Variants in SLC10A7 observed in about 807,000 individuals in gnomAD.
SLC10A7 encodes the protein sodium/bile acid cotransporter 7.
In SLC10A7, 29 loss-of-function variants were observed where a neutral mutation model predicts 43.2. That is an observed-to-expected ratio of 0.67 (90% CI 0.50 to 0.92). The LOEUF (loss-of-function observed/expected upper bound fraction) is 0.92. Ranked by LOEUF, SLC10A7 falls within the 40% of genes least tolerant of loss-of-function variation. The pLI is 0.00. For missense variants in SLC10A7, 295 were observed against 403.2 expected (o/e 0.73, Z 2.30); for synonymous variants, 152 against 144.8 (o/e 1.05, Z -0.35).
At chr4:146,394,142 T>C (rs1738643143) in intron 5 of SLC10A7, among the ~76,000 whole-genome samples, 1 of 152,146 alleles carries the variant, frequency 6.6e-6, no homozygotes, top group African/African-American at 2.4e-5. Context: ...GTAAGGCCAA[T>C]ATCACCGACT....
intron 5 of SLC10A7, among the ~76,000 whole-genome samples, chr4:146,405,488 G>A (rs114140378): frequency 6.6e-6 from 1 of 152,236 alleles, no homozygotes; most frequent in Non-Finnish European, 1.5e-5. Flanking sequence ...AATACAGTTA[G>A]AATATTACAG....
chr4:146,418,007 A>C (rs1317774896), intron 5 of SLC10A7, among the ~76,000 whole-genome samples: 1 of 137,560 alleles, frequency 7.3e-6, no homozygotes, highest in Non-Finnish European at 1.5e-5. Context: ...TGAACAGATG[A>C]TGATGATGAT....
chr4:146,340,265 T>C (rs1249291253), intron 5 of SLC10A7, among the ~76,000 whole-genome samples: 1 of 151,812 alleles, frequency 6.6e-6, no homozygotes, highest in East Asian at 1.9e-4. Context: ...AAGGCAATAA[T>C]AGCAAAAGGA....
At chr4:146,295,138 CAAGAATA>C (rs962553464) in intron 7 of SLC10A7, among the ~76,000 whole-genome samples, 3 of 151,976 alleles carry the variant, frequency 2.0e-5, no homozygotes, top group African/African-American at 7.2e-5. Context: ...TACAGATGCT[CAAGAATA>C]AAATAAACTA....
intron 4 of SLC10A7, among the ~76,000 whole-genome samples, chr4:146,481,175 G>A (rs1055075291): frequency 2.0e-5 from 3 of 152,014 alleles, no homozygotes; most frequent in African/African-American, 7.2e-5. Context: ...TGCTTTCTGG[G>A]GCTAAGCAGA....
intron 5 of SLC10A7, among the ~76,000 whole-genome samples, chr4:146,357,210 C>G (rs1560831297): frequency 6.6e-6 from 1 of 152,148 alleles, no homozygotes; most frequent in Non-Finnish European, 1.5e-5. Flanking sequence ...TAATTCATTT[C>G]TATTTTATTT....
intron 7 of SLC10A7, among the ~76,000 whole-genome samples, chr4:146,298,153 T>G (rs1400880934): frequency 6.6e-6 from 1 of 152,202 alleles, no homozygotes; most frequent in East Asian, 1.9e-4. Context: ...ACTTTCCGTG[T>G]GCCTCATCTG....
rs1732805023 is a variant in SLC10A7, at chr4:146,322,671, A to G, written c.471+3290T>C. Among the ~76,000 whole-genome samples the G allele has an allele frequency of 2.0e-5, 3 of 152,062 alleles. No homozygotes were observed. In the South Asian group the frequency reaches 6.2e-4, roughly 31 times the overall value. On this transcript the variant is annotated intron_variant, in intron 6 of 11. Coordinates refer to ENST00000335472, the MANE Select transcript of SLC10A7 (RefSeq NM_001029998.6). Reference sequence around the variant, plus strand: ...AGTCTTTGCTATTGTGAATAGTACCACAATAAACATACGTGTGCATGTGTC... The same window carrying G: ...AGTCTTTGCTATTGTGAATAGTACCGCAATAAACATACGTGTGCATGTGTC...
chr4:146,291,031 GC>G (rs1730411455), intron 9 of SLC10A7, among the ~76,000 whole-genome samples: 1 of 152,164 alleles, frequency 6.6e-6, no homozygotes, highest in Non-Finnish European at 1.5e-5. Flanking sequence ...TCACACTTCT[GC>G]CACCCATGCC....
intron 5 of SLC10A7, among the ~76,000 whole-genome samples, chr4:146,364,084 C>A (rs1003056654): frequency 1.3e-5 from 2 of 151,462 alleles, no homozygotes; most frequent in African/African-American, 2.4e-5. Flanking sequence ...AGAAGATAAA[C>A]AAAATTAACA....
intron 4 of SLC10A7, among the ~76,000 whole-genome samples, chr4:146,445,655 TC>T (rs1254200317): frequency 2.0e-5 from 3 of 152,044 alleles, no homozygotes; most frequent in Non-Finnish European, 4.4e-5. Flanking sequence ...TTGTCAGGCG[TC>T]CAGGAAAAAT....
At chr4:146,401,689 C>T (rs911826107) in intron 5 of SLC10A7, among the ~76,000 whole-genome samples, 8 of 152,120 alleles carry the variant, frequency 5.3e-5, no homozygotes, top group Admixed American at 4.6e-4. Context: ...CACAGAGCAG[C>T]ACAGACTGTG....
intron 5 of SLC10A7, among the ~76,000 whole-genome samples, chr4:146,437,011 T>C (rs1370267769): frequency 6.6e-6 from 1 of 152,148 alleles, no homozygotes; most frequent in Non-Finnish European, 1.5e-5. Flanking sequence ...AGCACTGCAT[T>C]GAAGACAGTC....
intron 9 of SLC10A7, among the ~76,000 whole-genome samples, chr4:146,290,216 T>C (rs62327820): frequency 0.038 from 5,512 of 146,780 alleles, 135 homozygotes; most frequent in Non-Finnish European, 0.059. Context: ...CCCAGCTACT[T>C]GGGAGGCTGA....
intron 1 of SLC10A7, 111 bp downstream of exon 1, chr4:146,521,507 C>A: frequency 2.4e-6 from 2 of 816,368 alleles, no homozygotes; most frequent in Non-Finnish European, 2.0e-6. Context: ...CTGGTCAGTG[C>A]CCCCTGAAAT....
intron 2 of SLC10A7, among the ~76,000 whole-genome samples, chr4:146,511,391 C>A (rs1198627636): frequency 2.0e-5 from 3 of 152,184 alleles, no homozygotes; most frequent in Admixed American, 2.0e-4. Context: ...AAAACATATT[C>A]AACTATGCCA....
chr4:146,383,310 T>G (rs943930019), intron 5 of SLC10A7, among the ~76,000 whole-genome samples: 5 of 152,134 alleles, frequency 3.3e-5, no homozygotes, highest in Admixed American at 6.5e-5. Flanking sequence ...GCAGGGAACC[T>G]AAGGACTTCC....
chr4:146,279,776 A>G (rs1729428337), intron 10 of SLC10A7, among the ~76,000 whole-genome samples: 1 of 152,198 alleles, frequency 6.6e-6, no homozygotes, highest in Non-Finnish European at 1.5e-5. Context: ...ATGTGAAGCC[A>G]TAGCTCAATG....
intron 10 of SLC10A7, among the ~76,000 whole-genome samples, chr4:146,276,122 A>G (rs1729191968): frequency 6.6e-6 from 1 of 152,244 alleles, no homozygotes; most frequent in Non-Finnish European, 1.5e-5. Context: ...GGCAGTCCAG[A>G]TATCAATGAG....
Sources: gnomAD v4.1 joint callset for allele counts (sites outside exome capture counted in the v4.1 genomes callset) on GRCh38, gnomAD v4.1.1 for gene constraint, MANE v1.5 for transcripts, NCBI Gene and HGNC (gene_info 2026-07-23, HGNC 2026-07-21) for gene names.